CAMTA1: variants seen among roughly 807,000 people sequenced by gnomAD.
CAMTA1 encodes the protein calmodulin-binding transcription activator 1.
In CAMTA1, 27 loss-of-function variants were observed where a neutral mutation model predicts 170.9. That is an observed-to-expected ratio of 0.16 (90% CI 0.12 to 0.22). The LOEUF (loss-of-function observed/expected upper bound fraction) is 0.22, where lower values mean the gene tolerates loss of function less well. CAMTA1 is among the 10% of genes least tolerant of loss of function. CAMTA1 has a pLI of 1.00. For synonymous variants in CAMTA1, 833 were observed against 891.5 expected (o/e 0.93, Z 1.17); for missense variants, 1,619 against 2,217.2 (o/e 0.73, Z 5.42).
At chr1:7,617,870 T>C (rs963787491) in intron 6 of CAMTA1, among the ~76,000 whole-genome samples, 1 of 151,984 alleles carries the variant, frequency 6.6e-6, no homozygotes, top group African/African-American at 2.4e-5. Context: ...AGCTCTAAGG[T>C]GGGGCTGATC....
At chr1:7,672,864 C>G (rs531081426) in intron 10 of CAMTA1, among the ~76,000 whole-genome samples, 95 of 152,228 alleles carry the variant, frequency 6.2e-4, no homozygotes, top group African/African-American at 2.2e-3. Flanking sequence ...GCCCACCCCA[C>G]CCCCTGCTGG....
At position 7,208,549 on chromosome 1, in the gene CAMTA1, G is replaced by A. The variant is rs184302459; in HGVS notation, c.303-40942G>A. Among the ~76,000 whole-genome samples, 123 of 152,314 alleles carry A rather than the reference G, an allele frequency of 8.1e-4. 1 individual carries two copies. The highest frequency in any genetic ancestry group is 2.9e-3 in the Admixed American group (45 of 15,302). ...AAAACCATGTGATTCTGTTGAAGGTGTAAATCAAGCCAGCCCACAGGAAGC... is the reference window on the plus strand; with the variant it reads ...AAAACCATGTGATTCTGTTGAAGGTATAAATCAAGCCAGCCCACAGGAAGC... On this transcript the variant is annotated intron_variant, in intron 4 of 22. Transcript: ENST00000303635.
chr1:7,003,546 G>A (rs535513984), intron 3 of CAMTA1, among the ~76,000 whole-genome samples: 137 of 152,314 alleles, frequency 9.0e-4, no homozygotes, highest in South Asian at 1.7e-3. Context: ...TGGAATCCCA[G>A]CACTTACCAG....
At chr1:7,369,831 C>T (rs1034113397) in intron 5 of CAMTA1, among the ~76,000 whole-genome samples, 1 of 152,218 alleles carries the variant, frequency 6.6e-6, no homozygotes, top group African/African-American at 2.4e-5. Context: ...AAGACACTCT[C>T]ACCTGATCAG....
intron 5 of CAMTA1, among the ~76,000 whole-genome samples, chr1:7,260,164 A>C (rs1015806139): frequency 3.3e-5 from 5 of 152,198 alleles, no homozygotes; most frequent in Non-Finnish European, 7.3e-5. Context: ...TTACAAAAAC[A>C]GACTGTGGGC....
Position 7,664,673 on chromosome 1 carries a change from A to T in CAMTA1, c.2126A>T (p.Glu709Val). Residue 709 changes from glutamate to valine, a missense_variant, in exon 9 of 23, where the codon GAG becomes GTG. By Grantham distance (121) the Glu-to-Val change is moderately radical. This residue lies in a region of CAMTA1 where 731 missense variants were observed against 907.6 expected (regional missense o/e 0.81). Transcript: ENST00000303635. ...EGSEVLLKSG[E>V]LQACSSEHYL... ...AGCGAGGTCCTGCTCAAGTCTGGGG[A>T]GCTGCAGGCTTGCAGCTCTGAGCAC... The T allele has an allele frequency of 1.2e-6, 2 of 1,604,744 alleles. No individual in the cohort carries two copies. The highest frequency in any genetic ancestry group is 1.7e-4 in the Middle Eastern group (1 of 6,040).
intron 7 of CAMTA1, among the ~76,000 whole-genome samples, chr1:7,645,118 G>T (rs747846241): frequency 6.6e-6 from 1 of 152,210 alleles, no homozygotes; most frequent in African/African-American, 2.4e-5. Context: ...AGCTGAAGGG[G>T]GAGTCCTCTC....
At chr1:7,577,857 TG>T (rs1242991199) in intron 6 of CAMTA1, among the ~76,000 whole-genome samples, 1 of 152,148 alleles carries the variant, frequency 6.6e-6, no homozygotes, top group Non-Finnish European at 1.5e-5. Context: ...CAAAAATAGA[TG>T]GCGGGCCAGA....
chr1:6,802,700 A>G (rs1644011359), intron 1 of CAMTA1, among the ~76,000 whole-genome samples: 1 of 151,724 alleles, frequency 6.6e-6, no homozygotes, highest in Non-Finnish European at 1.5e-5. Context: ...TGGTAGGTGT[A>G]GTAACTGTCT....
At chr1:7,250,686 A>C (rs1485005817) in intron 5 of CAMTA1, among the ~76,000 whole-genome samples, 1 of 152,124 alleles carries the variant, frequency 6.6e-6, no homozygotes, top group South Asian at 2.1e-4. Flanking sequence ...AATAGCACCA[A>C]ATGGCCTGTA....
intron 16 of CAMTA1, among the ~76,000 whole-genome samples, chr1:7,742,381 T>A (rs1383428410): frequency 6.6e-6 from 1 of 151,976 alleles, no homozygotes; most frequent in African/African-American, 2.4e-5. Flanking sequence ...TATGATAGAT[T>A]TAATATATGA....
At chr1:6,803,163 G>T (rs563429660) in intron 1 of CAMTA1, among the ~76,000 whole-genome samples, 4 of 152,350 alleles carry the variant, frequency 2.6e-5, no homozygotes, top group Admixed American at 2.0e-4. Flanking sequence ...GGTGATGTCA[G>T]TATCATTTGA....
intron 6 of CAMTA1, among the ~76,000 whole-genome samples, chr1:7,629,457 CA>C (rs1489242860): frequency 4.6e-5 from 7 of 151,974 alleles, no homozygotes; most frequent in Admixed American, 6.5e-5. Context: ...TGTCGCCTTG[CA>C]ATAATGAGTC....
chr1:7,297,461 G>A (rs188922592), intron 5 of CAMTA1, among the ~76,000 whole-genome samples: 140 of 152,322 alleles, frequency 9.2e-4, no homozygotes, highest in Non-Finnish European at 5.1e-4. Flanking sequence ...TCTCTCGTCT[G>A]GCTTGGCCAG....
intron 5 of CAMTA1, among the ~76,000 whole-genome samples, chr1:7,270,976 A>G (rs766031651): frequency 6.6e-6 from 1 of 152,250 alleles, no homozygotes; most frequent in Non-Finnish European, 1.5e-5. Flanking sequence ...CTAACTTTAT[A>G]TGCAAGAAGT....
rs527512482 is a variant in CAMTA1, at chr1:7,171,122, C to T, written c.303-78369C>T. Among the ~76,000 whole-genome samples, 45 of 152,292 alleles carry T rather than the reference C, an allele frequency of 3.0e-4. 1 individual carries two copies. In the Middle Eastern group the frequency reaches 0.014, roughly 46 times the overall value. Reference sequence around the variant, plus strand: ...TCCCTTCAGAGCTTTCCTTTATTGACTACTTCACTTTTGAAAAATGTTTTC... The same window carrying T: ...TCCCTTCAGAGCTTTCCTTTATTGATTACTTCACTTTTGAAAAATGTTTTC... On this transcript the variant is annotated intron_variant, in intron 4 of 22. Transcript: ENST00000303635.
chr1:6,828,533 G>A (rs896639585), intron 3 of CAMTA1, among the ~76,000 whole-genome samples: 2 of 151,718 alleles, frequency 1.3e-5, no homozygotes, highest in Non-Finnish European at 2.9e-5. Flanking sequence ...CTTGTGATCC[G>A]CCCACCTCAG....
intron 5 of CAMTA1, among the ~76,000 whole-genome samples, chr1:7,423,660 T>A (rs1481370329): frequency 1.3e-5 from 2 of 151,996 alleles, no homozygotes; most frequent in African/African-American, 2.4e-5. Context: ...AACTGTGTAA[T>A]CTCTCTGATC....
At chr1:7,408,073 G>A (rs531497620) in intron 5 of CAMTA1, among the ~76,000 whole-genome samples, 1 of 152,292 alleles carries the variant, frequency 6.6e-6, no homozygotes, top group African/African-American at 2.4e-5. Flanking sequence ...CTGGTCGTGG[G>A]TGCTCTCTGT....
Sources: allele counts gnomAD v4.1 joint callset (sites outside exome capture counted in the v4.1 genomes callset), GRCh38; gene constraint gnomAD v4.1.1; regional missense constraint gnomAD v4.1.1; transcripts MANE v1.5; gene names NCBI Gene and HGNC (gene_info 2026-07-23, HGNC 2026-07-21).